DRC3: variants seen among roughly 807,000 people sequenced by gnomAD.
DRC3 encodes leucine rich repeat containing 48.
A neutral mutation model predicts 57.6 loss-of-function variants in DRC3; 45 were observed. The ratio of observed to expected loss-of-function variants is 0.78; its 90% CI spans 0.62 to 1.00. The LOEUF is 1.00. Among genes scored for constraint, DRC3 ranks in the 50% least tolerant of loss-of-function variants. The pLI is 0.00. For missense variants in DRC3, 655 were observed against 675.2 expected, an observed-to-expected ratio of 0.97 and a Z score of 0.33; for synonymous variants, 257 against 272.3, an observed-to-expected ratio of 0.94 and a Z score of 0.55.
At chr17:17,978,957 TA>T (rs879657989) in intron 3 of DRC3, among the ~76,000 whole-genome samples, 43 of 152,234 alleles carry the variant, frequency 2.8e-4, no homozygotes, top group Middle Eastern at 6.8e-3. Context: ...GGGGGACAAT[TA>T]AATAAAATGA....
Position 18,007,107 on chromosome 17 carries a change from A to T in DRC3, c.1286A>T (p.Glu429Val). The T allele has an allele frequency of 8.2e-7, 1 of 1,221,748 alleles. No individual in the cohort carries two copies. Among genetic ancestry groups the T allele is most frequent in the Non-Finnish European group, 1.0e-6 (1 of 955,362 alleles). 75.7% of individuals were successfully genotyped at this position (1,221,748 alleles called of 1,614,324 possible). The change falls in exon 12 of 14, where the codon GAG becomes GTG. Residue 429 changes from glutamate to valine, a missense_variant. Physicochemically the swap from Glu to Val is moderately radical, Grantham distance 121. Coordinates refer to ENST00000399187, the MANE Select transcript of DRC3 (RefSeq NM_031294.4). ...ISISTLEKIV[E>V]GDLDEDLPND... is the part of the protein sequence containing the mutation. ...ATCAGCACCCTGGAGAAGATTGTCGAGGGCGACCTGGACGAGGACCTGCCT... is the reference window on the plus strand; with the variant it reads ...ATCAGCACCCTGGAGAAGATTGTCGTGGGCGACCTGGACGAGGACCTGCCT...
At chr17:18,014,995 C>T (rs962248893) in intron 12 of DRC3, 1 of 152,164 alleles carries the variant, frequency 6.6e-6, no homozygotes, top group African/African-American at 2.4e-5. Context: ...AAATCAGCAT[C>T]CCACAAGACA....
intron 9 of DRC3, among the ~76,000 whole-genome samples, chr17:18,001,046 C>T (rs1207896396): frequency 6.6e-6 from 1 of 151,958 alleles, no homozygotes; most frequent in African/African-American, 2.4e-5. Flanking sequence ...ACTACAGGAA[C>T]ACAACACCAC....
chr17:17,993,594 A>G (rs1264924921), intron 6 of DRC3: 1 of 152,662 alleles, frequency 6.6e-6, no homozygotes, highest in African/African-American at 2.4e-5. Flanking sequence ...CCCAGGAGCA[A>G]TATTAACAGC....
intron 5 of DRC3, among the ~76,000 whole-genome samples, chr17:17,989,272 G>A (rs1176369690): frequency 2.0e-5 from 3 of 152,198 alleles, no homozygotes; most frequent in Non-Finnish European, 2.9e-5. Flanking sequence ...GTCCCTGGAC[G>A]AGGTCAAAGG....
rs1260302158 is a variant in DRC3, at chr17:17,994,340, G to T, written c.633G>T (p.Glu211Asp). The change falls in exon 7 of 14, where the codon GAG becomes GAT. Residue 211 changes from glutamate to aspartate, a missense_variant. Glu to Asp is a conservative substitution (Grantham distance 45). Transcript: ENST00000399187. ...AEAKHQYSID[E>D]LKHQENLMQA... ...CTAAGCACCAGTACAGCATCGACGAGCTGAAGCACCAGGAGAACCTGATGC... is the reference window on the plus strand; with the variant it reads ...CTAAGCACCAGTACAGCATCGACGATCTGAAGCACCAGGAGAACCTGATGC... 1.9e-6 allele frequency: 3 copies of T among 1,554,650 alleles called. No individual in the cohort carries two copies. Among genetic ancestry groups the T allele is most frequent in the Non-Finnish European group, 2.6e-6 (3 of 1,148,904 alleles).
rs1219856256 is a variant in DRC3, at chr17:18,016,667, A to C, written c.1568A>C (p.Asp523Ala). 1 of 1,604,876 alleles carries C rather than the reference A, an allele frequency of 6.2e-7. No homozygotes were observed. Among genetic ancestry groups the C allele is most frequent in the Admixed American group, 1.7e-5 (1 of 59,932 alleles). The change falls in exon 14 of 14, where the codon GAC (aspartate) becomes GCC (alanine). Residue 523 changes from aspartate (D) to alanine (A), a missense_variant. By Grantham distance (126) the Asp-to-Ala change is moderately radical. Coordinates refer to ENST00000399187, the MANE Select transcript of DRC3 (RefSeq NM_031294.4). ...LDNLECGDIL[D>A] is the part of the protein sequence containing the mutation. ...AACCTGGAATGTGGCGACATCCTAG[A>C]CTAGATGAATGTCAGCCACAGGAGC...
chr17:18,009,453 G>T (rs895354067), intron 12 of DRC3, among the ~76,000 whole-genome samples: 6 of 152,164 alleles, frequency 3.9e-5, no homozygotes, highest in African/African-American at 1.4e-4. Flanking sequence ...ATTTGACTGG[G>T]GGCCTCCTGA....
intron 9 of DRC3, among the ~76,000 whole-genome samples, chr17:17,999,850 T>C (rs913155933): frequency 7.2e-5 from 11 of 152,256 alleles, no homozygotes; most frequent in Non-Finnish European, 1.2e-4. Flanking sequence ...GAGTAGTGTG[T>C]GCACATGGCA....
At chr17:17,981,478 G>C (rs1393652117) in intron 3 of DRC3, 1 of 156,762 alleles carries the variant, frequency 6.4e-6, no homozygotes, top group African/African-American at 2.4e-5. Context: ...CAGGGATGAC[G>C]CTGTAGCCAT....
chr17:18,013,383 A>G, intron 12 of DRC3, among the ~76,000 whole-genome samples: 1 of 152,252 alleles, frequency 6.6e-6, no homozygotes, highest in East Asian at 1.9e-4. Flanking sequence ...ATAACAAGAT[A>G]CAGAATCAAC....
At chr17:17,981,592 C>T (rs1164324957) in intron 3 of DRC3, 6 of 152,608 alleles carry the variant, frequency 3.9e-5, no homozygotes, top group Non-Finnish European at 8.8e-5. Flanking sequence ...TCAGGTCAGT[C>T]GGTCCTGGCA....
chr17:17,986,132 G>A (rs1372609251), intron 4 of DRC3, among the ~76,000 whole-genome samples: 3 of 152,114 alleles, frequency 2.0e-5, no homozygotes, highest in South Asian at 2.1e-4. Context: ...GGCTGATCTC[G>A]AACTGCTGGC....
intron 5 of DRC3, among the ~76,000 whole-genome samples, chr17:17,990,416 C>T (rs2043173262): frequency 2.0e-5 from 3 of 152,366 alleles, no homozygotes; most frequent in East Asian, 1.9e-4. Flanking sequence ...CTTCCCAGCC[C>T]TCTCCCCGCA....
chr17:18,007,504 C>A, intron 12 of DRC3: 1 of 1,549,444 alleles, frequency 6.5e-7, no homozygotes, highest in South Asian at 1.2e-5. Flanking sequence ...TCTTCTTAAC[C>A]TTAGAGTCTG....
chr17:18,007,542 AC>A, intron 12 of DRC3: 9 of 1,523,718 alleles, frequency 5.9e-6, no homozygotes, highest in Non-Finnish European at 7.9e-6. Context: ...GGGTGTTGGA[AC>A]CACCATTTCT....
At chr17:17,994,899 G>A in intron 7 of DRC3, 100 bp from the exon 8 acceptor site, 1 of 761,652 alleles carries the variant, frequency 1.3e-6, no homozygotes, top group Admixed American at 2.0e-5. Flanking sequence ...CTCTTTGTCT[G>A]GAACATGCTC....
intron 3 of DRC3, among the ~76,000 whole-genome samples, chr17:17,983,377 A>G (rs2042803835): frequency 6.6e-6 from 1 of 152,204 alleles, no homozygotes; most frequent in African/African-American, 2.4e-5. Flanking sequence ...GTGCTCCAAA[A>G]AGGCTGAATG....
rs1376731570 is a variant in DRC3, at chr17:18,004,426, A to G, written c.1063A>G (p.Ser355Gly). 1 of 1,610,278 alleles carries G rather than the reference A, an allele frequency of 6.2e-7. No homozygotes were observed. Among genetic ancestry groups the G allele is most frequent in the Non-Finnish European group, 8.5e-7 (1 of 1,178,276 alleles). Residue 355 changes from serine to glycine, a missense_variant, in exon 10 of 14, where the codon AGT becomes GGT. Ser to Gly is a moderately conservative substitution (Grantham distance 56). Coordinates refer to ENST00000399187, the MANE Select transcript of DRC3 (RefSeq NM_031294.4). ...CATTGAGAAGATGATCCTAGAATGC[A>G]GTGCTGACATCAGTGAGTTGTTCGA... ...PNIEKMILEC[S>G]ADISELFDAL...
Sources: gnomAD v4.1 joint callset for allele counts (sites outside exome capture counted in the v4.1 genomes callset) on GRCh38, gnomAD v4.1.1 for gene constraint, MANE v1.5 for transcripts, NCBI Gene and HGNC (gene_info 2026-07-23, HGNC 2026-07-21) for gene names.